Variants in ENPP1 observed in about 807,000 individuals in gnomAD.
ENPP1 encodes the protein ectonucleotide pyrophosphatase/phosphodiesterase 1, also known as ectonucleotide pyrophosphatase/phosphodiesterase family member 1.
In ENPP1, 73 loss-of-function variants were observed where a neutral mutation model predicts 122.8. That is an observed-to-expected ratio of 0.59 (90% CI 0.49 to 0.72). The LOEUF is 0.72. ENPP1 is among the 30% of genes least tolerant of loss of function. The probability of loss-of-function intolerance (pLI) is 0.00; values close to 1 mark genes in which losing one functional copy is unlikely to be tolerated. For missense variants in ENPP1, 978 were observed against 1,128.1 expected, an observed-to-expected ratio of 0.87 and a Z score of 1.91; for synonymous variants, 367 against 391.6, an observed-to-expected ratio of 0.94 and a Z score of 0.74.
chr6:131,875,041 A>G (rs575393630), intron 16 of ENPP1, among the ~76,000 whole-genome samples: 1 of 152,220 alleles, frequency 6.6e-6, no homozygotes, highest in Non-Finnish European at 1.5e-5. Flanking sequence ...GGAATAATAA[A>G]CATTGGAGAC....
At chr6:131,880,665 G>A (rs1782293129) in intron 20 of ENPP1, among the ~76,000 whole-genome samples, 1 of 152,072 alleles carries the variant, frequency 6.6e-6, no homozygotes, top group South Asian at 2.1e-4. Context: ...CATGAAATCA[G>A]CCTTAGGATC....
At chr6:131,816,097 C>A (rs898948602) in intron 1 of ENPP1, among the ~76,000 whole-genome samples, 1 of 152,076 alleles carries the variant, frequency 6.6e-6, no homozygotes, top group African/African-American at 2.4e-5. Flanking sequence ...AAAATAGTTT[C>A]ATATTCAATT....
intron 1 of ENPP1, among the ~76,000 whole-genome samples, chr6:131,818,537 C>A (rs4418212): frequency 0.65 from 99,020 of 151,372 alleles, 32,949 homozygotes; most frequent in East Asian, 0.82. Flanking sequence ...AGTCCCAGCT[C>A]CTTGGGAGGC....
intron 9 of ENPP1, among the ~76,000 whole-genome samples, chr6:131,862,185 C>T (rs1031958435): frequency 6.7e-6 from 1 of 149,618 alleles, no homozygotes; most frequent in African/African-American, 2.5e-5. Flanking sequence ...ACAACAAAAA[C>T]AAAAAAAAAC....
At chr6:131,830,505 A>G (rs1781597838) in intron 1 of ENPP1, among the ~76,000 whole-genome samples, 1 of 152,212 alleles carries the variant, frequency 6.6e-6, no homozygotes, top group South Asian at 2.1e-4. Context: ...CATCACAGGC[A>G]GGGAAAGGAT....
chr6:131,869,311 T>G (rs538607925), intron 12 of ENPP1, 47 bp from the exon 13 acceptor site: 89 of 1,603,868 alleles, frequency 5.5e-5, no homozygotes, highest in Admixed American at 2.5e-4. Flanking sequence ...CATATTAAAT[T>G]TTTTGTTAAA....
rs79079368 is a variant in ENPP1, at chr6:131,877,099, C to T, written c.1831C>T (p.Leu611=). The T allele has an allele frequency of 2.5e-6, 4 of 1,613,950 alleles. No individual in the cohort carries two copies. The highest frequency in any genetic ancestry group is 1.3e-5 in the African/African-American group (1 of 74,914). Residue 611 remains leucine (L), a synonymous_variant, in exon 18 of 25, where the codon CTG becomes TTG. Coordinates refer to ENST00000647893, the MANE Select transcript of ENPP1 (RefSeq NM_006208.3). ...TPKHPKEVHP[L]VQCPFTRNPR... ...AAAGCATCCCAAAGAAGTGCACCCC[C>T]TGGTACAGTGCCCCTTCACAAGAAA... is the stretch of plus-strand genomic sequence containing the variant.
Position 131,864,487 on chromosome 6 carries a change from T to G in ENPP1, c.1026-19T>G. 6.5e-7 allele frequency: 1 copy of G among 1,544,250 alleles called. No homozygotes were observed. The highest frequency in any genetic ancestry group is 9.0e-7 in the Non-Finnish European group (1 of 1,117,100). On this transcript the variant is annotated intron_variant, in intron 9 of 24. Transcript: ENST00000647893. ...ACAATTGTCAGCCATCTTTTATTTTTGTTTGTTCTTCATTTTAGTTCAGTA... is the reference window on the plus strand; with the variant it reads ...ACAATTGTCAGCCATCTTTTATTTTGGTTTGTTCTTCATTTTAGTTCAGTA...
At chr6:131,862,047 T>C (rs1289176521) in intron 9 of ENPP1, among the ~76,000 whole-genome samples, 1 of 151,986 alleles carries the variant, frequency 6.6e-6, no homozygotes, top group Non-Finnish European at 1.5e-5. Flanking sequence ...CGGGCGCCTG[T>C]AATCCCAGCT....
intron 19 of ENPP1, 56 bp from the exon 20 acceptor site, chr6:131,879,824 T>C: frequency 6.8e-7 from 1 of 1,461,586 alleles, no homozygotes; most frequent in Admixed American, 1.7e-5. Flanking sequence ...TGTATCACAC[T>C]ATATATTATC....
In ENPP1 at chr6:131,820,090, A is replaced by G. The variant is rs376469198; in HGVS notation, c.240+11815A>G. The stretch of plus-strand genomic sequence containing the variant: ...CACTTGTCCATTTGCGATGTAAACC[A>G]TCTTGCCCCCCTTCCCTGCTTCGGA... On this transcript the variant is annotated intron_variant, in intron 1 of 24. Coordinates refer to ENST00000647893, the MANE Select transcript of ENPP1 (RefSeq NM_006208.3). 1.5e-5 allele frequency: 7 copies of G among 475,556 alleles called. No homozygotes were observed. The East Asian group carries it at 2.5e-4, about 17-fold the overall frequency. The allele number at this position is 475,556 out of a possible 1,614,324, so 29.5% of individuals were successfully genotyped here.
intron 1 of ENPP1, among the ~76,000 whole-genome samples, chr6:131,841,711 T>C (rs146108850): frequency 6.6e-6 from 1 of 152,314 alleles, no homozygotes; most frequent in Non-Finnish European, 1.5e-5. Flanking sequence ...AATAAATCCA[T>C]GCCTCTCGGG....
chr6:131,852,296 C>A (rs1340946826), intron 5 of ENPP1, 61 bp downstream of exon 5: 1 of 989,432 alleles, frequency 1.0e-6, no homozygotes, highest in South Asian at 1.3e-5. Context: ...TCATTTTTTT[C>A]TTTCCAAATT....
intron 23 of ENPP1, 100 bp downstream of exon 23, chr6:131,885,163 C>T (rs957913039): frequency 3.4e-5 from 39 of 1,132,184 alleles, no homozygotes; most frequent in African/African-American, 6.1e-5. Flanking sequence ...TATCCAGTGT[C>T]GTATGTTTAT....
At chr6:131,870,762 T>C (rs62424495) in intron 13 of ENPP1, among the ~76,000 whole-genome samples, 4,134 of 152,234 alleles carry the variant, frequency 0.027, 80 homozygotes, top group African/African-American at 0.032. Flanking sequence ...TACATGACTG[T>C]TATAAAACCT....
intron 1 of ENPP1, among the ~76,000 whole-genome samples, chr6:131,821,767 A>G (rs746178630): frequency 7.9e-5 from 12 of 152,192 alleles, no homozygotes; most frequent in Non-Finnish European, 1.8e-4. Flanking sequence ...CGCACGATCA[A>G]TGGAACTATC....
chr6:131,810,189 C>G (rs1040810371), intron 1 of ENPP1, among the ~76,000 whole-genome samples: 1 of 152,064 alleles, frequency 6.6e-6, no homozygotes, highest in Non-Finnish European at 1.5e-5. Context: ...TGAAACCCAT[C>G]TCTACAAAAG....
intron 13 of ENPP1, 33 bp downstream of exon 13, chr6:131,869,522 G>T: frequency 6.2e-7 from 1 of 1,605,106 alleles, no homozygotes; most frequent in Non-Finnish European, 8.5e-7. Context: ...TTTGAATATG[G>T]TCATATTAAG....
chr6:131,840,496 G>T (rs1781726668), intron 1 of ENPP1, among the ~76,000 whole-genome samples: 1 of 152,190 alleles, frequency 6.6e-6, no homozygotes, highest in African/African-American at 2.4e-5. Flanking sequence ...TCAGTGATTG[G>T]ATACTTCTAG....
Sources: allele counts gnomAD v4.1 joint callset (sites outside exome capture counted in the v4.1 genomes callset), GRCh38; gene constraint gnomAD v4.1.1; transcripts MANE v1.5; gene names NCBI Gene and HGNC (gene_info 2026-07-23, HGNC 2026-07-21).